The following APBB2 variants were observed in gnomAD, a reference collection of about 807,000 sequenced individuals.
The protein encoded by APBB2 is amyloid beta precursor protein binding family B member 2.
Under a neutral mutation model 82.5 loss-of-function variants are expected in APBB2, and 38 were observed. That is an observed-to-expected ratio of 0.46 (90% CI 0.36 to 0.60). The LOEUF (loss-of-function observed/expected upper bound fraction) is 0.60. Among genes scored for constraint, APBB2 ranks in the 20% least tolerant of loss-of-function variants. The probability of loss-of-function intolerance (pLI) is 0.00; values close to 1 mark genes in which losing one functional copy is unlikely to be tolerated. For missense variants in APBB2, 772 were observed against 972.3 expected (o/e 0.79, Z 2.74); for synonymous variants, 341 against 368.2 (o/e 0.93, Z 0.85).
At chr4:41,128,964 C>A (rs1755199158) in intron 2 of APBB2, among the ~76,000 whole-genome samples, 1 of 152,146 alleles carries the variant, frequency 6.6e-6, no homozygotes, top group Non-Finnish European at 1.5e-5. Context: ...TTATCTACCC[C>A]TAAGCCCCAG....
intron 1 of APBB2, among the ~76,000 whole-genome samples, chr4:41,211,390 C>T (rs970906248): frequency 2.0e-5 from 3 of 151,708 alleles, no homozygotes; most frequent in African/African-American, 7.3e-5. Flanking sequence ...GTCCCACCTG[C>T]TCCCCTCCCC....
intron 4 of APBB2, among the ~76,000 whole-genome samples, chr4:41,044,676 C>A (rs937529806): frequency 6.6e-6 from 1 of 152,172 alleles, no homozygotes. Flanking sequence ...TTTCTTTCAG[C>A]GTAAGAGTTT....
At chr4:40,955,766 ATTTTTC>A (rs1411630634) in intron 6 of APBB2, among the ~76,000 whole-genome samples, 8 of 150,188 alleles carry the variant, frequency 5.3e-5, no homozygotes, top group South Asian at 2.1e-4. Flanking sequence ...ACCAAAACAT[ATTTTTC>A]TTTTTCTTTT....
At chr4:40,972,442 T>A (rs866035386) in intron 6 of APBB2, among the ~76,000 whole-genome samples, 3,290 of 80,798 alleles carry the variant, frequency 0.041, 131 homozygotes, top group African/African-American at 0.12. Flanking sequence ...AAAAAAAAAA[T>A]AATAATAAAT....
At chr4:41,030,326 G>C (rs1222166933) in intron 5 of APBB2, among the ~76,000 whole-genome samples, 1 of 152,196 alleles carries the variant, frequency 6.6e-6, no homozygotes, top group Non-Finnish European at 1.5e-5. Context: ...GTATATTCAA[G>C]TAAGAATTAA....
chr4:41,106,719 G>A (rs1475119943), intron 2 of APBB2, among the ~76,000 whole-genome samples: 5 of 152,076 alleles, frequency 3.3e-5, no homozygotes, highest in Non-Finnish European at 7.4e-5. Flanking sequence ...CTCGTGATCC[G>A]CCCACCTCGG....
intron 2 of APBB2, among the ~76,000 whole-genome samples, chr4:41,114,504 T>C (rs911596440): frequency 6.6e-6 from 1 of 152,136 alleles, no homozygotes; most frequent in Non-Finnish European, 1.5e-5. Context: ...ATAAACAGTA[T>C]TCAAATAAAA....
intron 6 of APBB2, among the ~76,000 whole-genome samples, chr4:40,975,768 A>ACACACACG (rs1392291445): frequency 1.3e-5 from 2 of 150,768 alleles, no homozygotes; most frequent in Non-Finnish European, 2.9e-5. Context: ...ACACACACAC[A>ACACACACG]CACACACACA....
intron 6 of APBB2, among the ~76,000 whole-genome samples, chr4:40,964,892 G>A (rs11931740): frequency 0.3 from 44,852 of 149,392 alleles, 6,890 homozygotes; most frequent in African/African-American, 0.38. Flanking sequence ...AGGCCAAGGC[G>A]GGCAGATCAC....
intron 1 of APBB2, among the ~76,000 whole-genome samples, chr4:41,159,291 G>A (rs1580491033): frequency 6.6e-6 from 1 of 151,598 alleles, no homozygotes; most frequent in African/African-American, 2.4e-5. Flanking sequence ...GAAGGGAAGG[G>A]AACAGATGAA....
intron 6 of APBB2, among the ~76,000 whole-genome samples, chr4:40,964,383 G>T (rs909501971): frequency 1.3e-5 from 2 of 151,588 alleles, no homozygotes; most frequent in African/African-American, 4.9e-5. Flanking sequence ...CAATTGCAAT[G>T]CTGTGTTTTT....
intron 2 of APBB2, among the ~76,000 whole-genome samples, chr4:41,102,589 T>C (rs1010511598): frequency 2.0e-5 from 3 of 152,192 alleles, no homozygotes; most frequent in African/African-American, 7.2e-5. Flanking sequence ...TGCATATGGT[T>C]ACACAGAATG....
intron 10 of APBB2, among the ~76,000 whole-genome samples, chr4:40,915,903 T>G (rs1051855270): frequency 1.3e-5 from 2 of 151,994 alleles, no homozygotes; most frequent in African/African-American, 2.4e-5. Flanking sequence ...TTGTGACTAA[T>G]AAGAAGGAAG....
At chr4:40,909,862 T>C (rs1164499547) in intron 10 of APBB2, among the ~76,000 whole-genome samples, 1 of 152,180 alleles carries the variant, frequency 6.6e-6, no homozygotes, top group Non-Finnish European at 1.5e-5. Context: ...TGCCACAAGC[T>C]GCATGCTTTA....
chr4:40,912,997 T>C (rs1306295329), intron 10 of APBB2, among the ~76,000 whole-genome samples: 2 of 152,228 alleles, frequency 1.3e-5, no homozygotes, highest in East Asian at 3.9e-4. Flanking sequence ...CACTACAGAT[T>C]ACGTTTCTGC....
intron 10 of APBB2, among the ~76,000 whole-genome samples, chr4:40,921,432 C>T (rs1458387553): frequency 6.6e-6 from 1 of 152,222 alleles, no homozygotes; most frequent in African/African-American, 2.4e-5. Flanking sequence ...CAGACAGATG[C>T]ATGCAGAGCG....
intron 5 of APBB2, among the ~76,000 whole-genome samples, chr4:41,031,949 T>C (rs186330950): frequency 6.6e-6 from 1 of 152,208 alleles, no homozygotes; most frequent in African/African-American, 2.4e-5. Flanking sequence ...ACACTATGAT[T>C]ATATGGCTTC....
intron 17 of APBB2, among the ~76,000 whole-genome samples, chr4:40,820,041 T>C (rs1423062603): frequency 5.3e-5 from 8 of 152,234 alleles, no homozygotes; most frequent in Admixed American, 5.2e-4. Context: ...TTTAGGTTTC[T>C]GTGTCTCCCC....
chr4:41,072,910 T>C (rs1383358048), intron 3 of APBB2, among the ~76,000 whole-genome samples: 3 of 152,226 alleles, frequency 2.0e-5, no homozygotes, highest in African/African-American at 7.2e-5. Flanking sequence ...CTTCCAAGCC[T>C]CATCTGTAAA....
Sources: gnomAD v4.1 joint callset for allele counts (sites outside exome capture counted in the v4.1 genomes callset) on GRCh38, gnomAD v4.1.1 for gene constraint, MANE v1.5 for transcripts, NCBI Gene and HGNC (gene_info 2026-07-23, HGNC 2026-07-21) for gene names.